Variants in NRG3 observed in about 807,000 individuals in gnomAD.
NRG3 encodes pro-neuregulin-3, membrane-bound isoform.
In NRG3, 31 loss-of-function variants were observed where a neutral mutation model predicts 66.9. That is an observed-to-expected ratio of 0.46 (90% CI 0.35 to 0.63). The LOEUF is 0.63. Among genes scored for constraint, NRG3 ranks in the 20% least tolerant of loss-of-function variants. The pLI, the probability that NRG3 is intolerant of heterozygous loss-of-function variation, is 0.00. For missense variants in NRG3, 910 were observed against 878.9 expected (o/e 1.04, Z -0.45); for synonymous variants, 393 against 359.4 (o/e 1.09, Z -1.06).
chr10:82,670,349 A>G (rs955750019), intron 2 of NRG3, among the ~76,000 whole-genome samples: 7 of 152,204 alleles, frequency 4.6e-5, no homozygotes, highest in African/African-American at 9.6e-5. Flanking sequence ...GCACAAATAC[A>G]TGCGGCATAA....
intron 4 of NRG3, among the ~76,000 whole-genome samples, chr10:82,935,068 A>G (rs1214298775): frequency 6.6e-6 from 1 of 152,196 alleles, no homozygotes; most frequent in East Asian, 1.9e-4. Context: ...AATTAAGGAT[A>G]CCTGGGGGTA....
chr10:82,448,885 A>G (rs550676781), intron 2 of NRG3, among the ~76,000 whole-genome samples: 1 of 152,312 alleles, frequency 6.6e-6, no homozygotes, highest in Non-Finnish European at 1.5e-5. Context: ...GTACCCTCAA[A>G]GTAACTGAAA....
chr10:82,283,734 T>C (rs117371068), intron 1 of NRG3, among the ~76,000 whole-genome samples: 4,629 of 152,262 alleles, frequency 0.03, 104 homozygotes, highest in Non-Finnish European at 0.047. Context: ...GGAAGTAGCC[T>C]GTTGTGTCTC....
intron 6 of NRG3, among the ~76,000 whole-genome samples, chr10:82,966,102 T>C (rs1851185216): frequency 6.6e-6 from 1 of 152,162 alleles, no homozygotes; most frequent in Non-Finnish European, 1.5e-5. Flanking sequence ...CCTTGTATAT[T>C]AGTAGGGCAC....
chr10:82,773,805 G>A (rs891869782), intron 3 of NRG3, among the ~76,000 whole-genome samples: 1 of 152,160 alleles, frequency 6.6e-6, no homozygotes, highest in Non-Finnish European at 1.5e-5. Flanking sequence ...AAAGTTTACA[G>A]TTGTTCCCTA....
chr10:82,555,977 C>T (rs2044624639), intron 2 of NRG3, among the ~76,000 whole-genome samples: 2 of 152,112 alleles, frequency 1.3e-5, no homozygotes, highest in Non-Finnish European at 2.9e-5. Flanking sequence ...TCAACCATTG[C>T]AACTTGGATT....
intron 1 of NRG3, among the ~76,000 whole-genome samples, chr10:82,265,806 A>C (rs150958901): frequency 6.6e-6 from 1 of 152,298 alleles, no homozygotes; most frequent in East Asian, 1.9e-4. Flanking sequence ...AACCAGAAGC[A>C]TTCATTGATA....
chr10:81,960,557 A>C (rs912330959), intron 1 of NRG3, among the ~76,000 whole-genome samples: 3 of 152,024 alleles, frequency 2.0e-5, no homozygotes, highest in South Asian at 4.2e-4. Context: ...ATAGCAGCAT[A>C]GTAGCAGTAA....
chr10:81,894,965 C>T (rs867743639), intron 1 of NRG3, among the ~76,000 whole-genome samples: 1 of 152,178 alleles, frequency 6.6e-6, no homozygotes. Flanking sequence ...GTGACACTGG[C>T]TTTTCAAACG....
intron 1 of NRG3, among the ~76,000 whole-genome samples, chr10:82,184,848 C>T (rs1213671557): frequency 6.6e-6 from 1 of 152,122 alleles, no homozygotes; most frequent in Non-Finnish European, 1.5e-5. Flanking sequence ...TCAAAATCAA[C>T]AAGGTCTGGA....
chr10:82,908,047 C>G (rs1203699793), intron 4 of NRG3, among the ~76,000 whole-genome samples: 1 of 152,168 alleles, frequency 6.6e-6, no homozygotes, highest in Non-Finnish European at 1.5e-5. Flanking sequence ...AAAATGGTGC[C>G]TGGTTTGGAG....
chr10:82,971,408 A>C (rs1263948586), intron 6 of NRG3, among the ~76,000 whole-genome samples: 2 of 150,490 alleles, frequency 1.3e-5, no homozygotes, highest in African/African-American at 4.9e-5. Context: ...ATGGTTTATA[A>C]TTTTCGTGAC....
At chr10:81,969,924 A>G (rs561534381) in intron 1 of NRG3, among the ~76,000 whole-genome samples, 1 of 151,920 alleles carries the variant, frequency 6.6e-6, no homozygotes, top group African/African-American at 2.4e-5. Flanking sequence ...AAGATATTGC[A>G]CTATTTTTTT....
intron 4 of NRG3, among the ~76,000 whole-genome samples, chr10:82,913,123 G>A (rs770075577): frequency 1.3e-5 from 2 of 152,126 alleles, no homozygotes; most frequent in South Asian, 2.1e-4. Context: ...TACTCTGGAG[G>A]CTGAGGCAGG....
intron 2 of NRG3, among the ~76,000 whole-genome samples, chr10:82,436,143 A>C (rs1023332025): frequency 6.6e-6 from 1 of 152,168 alleles, no homozygotes; most frequent in East Asian, 1.9e-4. Context: ...GGGGTGTTAA[A>C]GTCTCCCACT....
intron 3 of NRG3, among the ~76,000 whole-genome samples, chr10:82,809,256 T>G (rs1197267931): frequency 6.6e-6 from 1 of 152,174 alleles, no homozygotes; most frequent in Non-Finnish European, 1.5e-5. Flanking sequence ...AAAAAAATGA[T>G]GAGTCTCAGG....
At chr10:82,763,830 A>G (rs1166525145) in intron 3 of NRG3, among the ~76,000 whole-genome samples, 3 of 152,238 alleles carry the variant, frequency 2.0e-5, no homozygotes, top group East Asian at 1.9e-4. Context: ...GTGTATTAGA[A>G]TTCAAAGACT....
chr10:82,437,769 T>C (rs1022061844), intron 2 of NRG3, among the ~76,000 whole-genome samples: 7 of 152,184 alleles, frequency 4.6e-5, no homozygotes, highest in African/African-American at 1.7e-4. Context: ...TGTTGCTTTC[T>C]TCTGGTTTGT....
At chr10:82,854,576 A>AC (rs1187213797) in intron 3 of NRG3, among the ~76,000 whole-genome samples, 30 of 152,352 alleles carry the variant, frequency 2.0e-4, no homozygotes, top group African/African-American at 7.0e-4. Flanking sequence ...GTGTAAAACA[A>AC]AATATAGTAA....
Sources: allele counts gnomAD v4.1 joint callset (sites outside exome capture counted in the v4.1 genomes callset), GRCh38; gene constraint gnomAD v4.1.1; transcripts MANE v1.5; gene names NCBI Gene and HGNC (gene_info 2026-07-23, HGNC 2026-07-21).